ANKRD1: variants seen among roughly 807,000 people sequenced by gnomAD.
ANKRD1 encodes the protein ankyrin repeat domain-containing protein 1.
In ANKRD1, 32 loss-of-function variants were observed where a neutral mutation model predicts 40.1. The ratio of observed to expected loss-of-function variants is 0.80; its 90% CI spans 0.60 to 1.07. ANKRD1 has a LOEUF of 1.07. ANKRD1 is among the 50% of genes least tolerant of loss of function. The pLI is 0.00. For synonymous variants in ANKRD1, 149 were observed against 141.2 expected (o/e 1.06, Z -0.39); for missense variants, 359 against 386.0 (o/e 0.93, Z 0.59).
At chr10:90,920,412 C>T (rs1366954598) in intron 1 of ANKRD1, 64 bp from the exon 2 acceptor site, 7 of 1,590,994 alleles carry the variant, frequency 4.4e-6, no homozygotes, top group Non-Finnish European at 6.0e-6. Context: ...TCTTCACAGA[C>T]AATGCCGCAG....
intron 5 of ANKRD1, among the ~76,000 whole-genome samples, chr10:90,917,088 A>G (rs1417512173): frequency 2.0e-5 from 3 of 151,846 alleles, no homozygotes; most frequent in Non-Finnish European, 2.9e-5. Context: ...TTTTGGATTC[A>G]ATTTTGGCCA....
chr10:90,920,179 C>T lies in ANKRD1; in HGVS notation c.197G>A (p.Arg66Gln), dbSNP rs150797476. 1,088 of 1,613,780 alleles carry T rather than the reference C, an allele frequency of 6.7e-4. No individual in the cohort carries two copies. The highest frequency in any genetic ancestry group is 9.6e-4 in the East Asian group (43 of 44,872). ...ACAGATGGCTCTCACCTCTGCCTCT[C>T]GTTGTTTCTCGCTTTTCCACTGTTG... ...GEQQWKSEKQ[R>Q]EAELKKKKLE... is the part of the protein sequence containing the mutation. Residue 66 changes from arginine to glutamine, a missense_variant, in exon 2 of 9, where the codon CGA becomes CAA. Transcript: ENST00000371697.
At chr10:90,918,270 C>T (rs186618969) in intron 4 of ANKRD1, among the ~76,000 whole-genome samples, 39 of 152,228 alleles carry the variant, frequency 2.6e-4, no homozygotes, top group Admixed American at 2.1e-3. Flanking sequence ...AAGCGGTCCC[C>T]AATTTCACTT....
At chr10:90,916,128 A>C in intron 6 of ANKRD1, 43 bp downstream of exon 6, 4 of 903,464 alleles carry the variant, frequency 4.4e-6, no homozygotes, top group Non-Finnish European at 4.4e-6. Flanking sequence ...GGGGACAGGG[A>C]GGGGGAGGGG....
chr10:90,913,130 C>T (rs1027015592), intron 8 of ANKRD1, among the ~76,000 whole-genome samples, 154 bp from the exon 9 acceptor site: 4 of 152,178 alleles, frequency 2.6e-5, no homozygotes, highest in Admixed American at 2.0e-4. Flanking sequence ...ATACTCAAAC[C>T]AGTCCTTCAC....
Position 90,919,219 on chromosome 10 carries a change from T to C in ANKRD1, c.257A>G (p.Asp86Gly), listed in dbSNP as rs759101459. The change falls in exon 3 of 9, where the codon GAC becomes GGC. Residue 86 changes from aspartate (D) to glycine (G), a missense_variant. Coordinates refer to ENST00000371697, the MANE Select transcript of ANKRD1 (RefSeq NM_014391.3). ...CTTCAGTTGAATGATTATTTCAAGGTCTTCTAAATTTTCAAGCTTTGATCT... is the reference window on the plus strand; with the variant it reads ...CTTCAGTTGAATGATTATTTCAAGGCCTTCTAAATTTTCAAGCTTTGATCT... ...EQRSKLENLE[D>G]LEIIIQLKKR... The C allele has an allele frequency of 6.2e-7, 1 of 1,610,244 alleles. No homozygotes were observed. Among genetic ancestry groups the C allele is most frequent in the Non-Finnish European group, 8.5e-7 (1 of 1,178,528 alleles).
intron 8 of ANKRD1, among the ~76,000 whole-genome samples, chr10:90,914,086 C>T (rs1847344191): frequency 6.6e-6 from 1 of 152,126 alleles, no homozygotes; most frequent in Non-Finnish European, 1.5e-5. Context: ...ACTTCCCCAC[C>T]TCTGTAGTGT....
chr10:90,915,494 C>T (rs1478536217), intron 8 of ANKRD1, 49 bp downstream of exon 8: 2 of 1,548,988 alleles, frequency 1.3e-6, no homozygotes, highest in African/African-American at 1.4e-5. Flanking sequence ...AGAAATGCTC[C>T]TGGAAATTGG....
chr10:90,915,976 G>A (rs1347595232), intron 6 of ANKRD1, 96 bp from the exon 7 acceptor site: 1 of 1,284,960 alleles, frequency 7.8e-7, no homozygotes, highest in African/African-American at 1.5e-5. Flanking sequence ...TGGTCACTAG[G>A]GTGCCTGCAC....
chr10:90,912,660 TAAAC>T lies in ANKRD1; in HGVS notation c.*202_*205del, dbSNP rs1464781094. The stretch of plus-strand genomic sequence containing the variant: ...TATCAGTAGCGTGGCAGTAAATAAA[TAAAC>T]AGGAATACATAAAAATAAATAAGAG... On this transcript the variant is annotated 3_prime_UTR_variant, in exon 9 of 9. Coordinates refer to ENST00000371697, the MANE Select transcript of ANKRD1 (RefSeq NM_014391.3). 1.7e-5 allele frequency: 9 copies of T among 524,176 alleles called. No homozygotes were observed. The highest frequency in any genetic ancestry group is 2.0e-5 in the South Asian group (1 of 49,290). 32.5% of individuals were successfully genotyped at this position (524,176 alleles called of 1,614,324 possible). A position where few individuals can be genotyped will look rare whatever the true frequency, so the allele number is the denominator to read the frequency against.
rs748820756 is a variant in ANKRD1 at position 90,917,774 on chromosome 10, C to T, written c.510G>A (p.Glu170=). 1 of 1,614,084 alleles carries T rather than the reference C, an allele frequency of 6.2e-7. No individual in the cohort carries two copies. Among genetic ancestry groups the T allele is most frequent in the Non-Finnish European group, 8.5e-7 (1 of 1,179,962 alleles). The change falls in exon 5 of 9, where the codon GAG becomes GAA. Residue 170 remains glutamate (E), a synonymous_variant. Coordinates refer to ENST00000371697, the MANE Select transcript of ANKRD1 (RefSeq NM_014391.3). ...TCTGGGCTCCAGCTTCCATTAACTT[C>T]TCCACAATTGCCAAATGTCCTTCCA... ...ACLEGHLAIV[E]KLMEAGAQIE...
At chr10:90,920,566 G>C (rs192621189) in intron 1 of ANKRD1, among the ~76,000 whole-genome samples, 1 of 152,294 alleles carries the variant, frequency 6.6e-6, no homozygotes, top group African/African-American at 2.4e-5. Flanking sequence ...CAAAGCTTGG[G>C]TTAGGTTGAC....
intron 4 of ANKRD1, among the ~76,000 whole-genome samples, chr10:90,918,403 A>G (rs549490293): frequency 2.0e-5 from 3 of 152,252 alleles, no homozygotes; most frequent in Admixed American, 6.5e-5. Flanking sequence ...CCCCATGTTT[A>G]CAGATAAGGA....
At chr10:90,919,073 C>T (rs1187633250) in intron 3 of ANKRD1, 58 bp downstream of exon 3, 3 of 1,606,360 alleles carry the variant, frequency 1.9e-6, no homozygotes, top group Non-Finnish European at 2.5e-6. Flanking sequence ...CAGATATTTG[C>T]TCCCCTGTAG....
chr10:90,920,469 G>T lies in ANKRD1; in HGVS notation c.28-121C>A, dbSNP rs1483843476. On this transcript the variant is annotated intron_variant, in intron 1 of 8. Coordinates refer to ENST00000371697, the MANE Select transcript of ANKRD1 (RefSeq NM_014391.3). Reference sequence around the variant, plus strand: ...CTGGGAACAGCCACCTTTGAGCAGTGCACTCTCAGATCTCAAGCTGCGATG... The same window carrying T: ...CTGGGAACAGCCACCTTTGAGCAGTTCACTCTCAGATCTCAAGCTGCGATG... 1.4e-5 allele frequency: 15 copies of T among 1,045,716 alleles called. No homozygotes were observed. In the Admixed American group the frequency reaches 2.6e-4, roughly 18 times the overall value. The allele number at this position is 1,045,716 out of a possible 1,614,324, so 64.8% of individuals were successfully genotyped here. A position where few individuals can be genotyped will look rare whatever the true frequency, so the allele number is the denominator to read the frequency against.
intron 3 of ANKRD1, 34 bp downstream of exon 3, chr10:90,919,097 A>G: frequency 1.9e-6 from 3 of 1,611,486 alleles, no homozygotes; most frequent in Non-Finnish European, 2.5e-6. Context: ...AACACTGGAC[A>G]TGTATTACTG....
chr10:90,920,222 G>C lies in ANKRD1; in HGVS notation c.154C>G (p.Pro52Ala), dbSNP rs397517248. 4.8e-5 allele frequency: 78 copies of C among 1,614,018 alleles called. 1 individual carries two copies. The highest frequency in any genetic ancestry group is 3.0e-4 in the Admixed American group (18 of 59,996). The change falls in exon 2 of 9, where the codon CCT becomes GCT. Residue 52 changes from proline (P) to alanine (A), a missense_variant. Pro to Ala is a conservative substitution (Grantham distance 27, BLOSUM62 -1). Coordinates refer to ENST00000371697, the MANE Select transcript of ANKRD1 (RefSeq NM_014391.3). Reference sequence around the variant, plus strand: ...CACTGTTGCTCCCCCAGGGTCACAGGGTGGGCTAGAAGTGTCTTCAGATCC... The same window carrying C: ...CACTGTTGCTCCCCCAGGGTCACAGCGTGGGCTAGAAGTGTCTTCAGATCC... The part of the protein sequence containing the change: ...QEDLKTLLAH[P>A]VTLGEQQWKS...
chr10:90,917,791 G>T lies in ANKRD1; in HGVS notation c.493C>A (p.His165Asn). The change falls in exon 5 of 9, where the codon CAT (histidine) becomes AAT (asparagine). Residue 165 changes from histidine (H) to asparagine (N), a missense_variant. Physicochemically the swap from His to Asn is moderately conservative, Grantham distance 68. Transcript: ENST00000371697. Reference sequence around the variant, plus strand: ...ATTAACTTCTCCACAATTGCCAAATGTCCTTCCAAGCATGCTCTATGAAGA... The same window carrying T: ...ATTAACTTCTCCACAATTGCCAAATTTCCTTCCAAGCATGCTCTATGAAGA... ...TALHRACLEGHLAIVEKLMEA... is the reference protein window; with the variant it reads ...TALHRACLEGNLAIVEKLMEA... The T allele has an allele frequency of 6.2e-7, 1 of 1,614,024 alleles. No homozygotes were observed.
Position 90,912,760 on chromosome 10 carries a change from A to T in ANKRD1, c.*106T>A, listed in dbSNP as rs1398143562. 9.3e-7 allele frequency: 1 copy of T among 1,077,008 alleles called. No individual in the cohort carries two copies. The highest frequency in any genetic ancestry group is 1.4e-6 in the Non-Finnish European group (1 of 693,864). 66.7% of individuals were successfully genotyped at this position (1,077,008 alleles called of 1,614,324 possible). The stretch of plus-strand genomic sequence containing the variant: ...AAACTTCATTAGGTACATCTTCACA[A>T]CACGTTGATAAATAGAAACTAGATT... On this transcript the variant is annotated 3_prime_UTR_variant, in exon 9 of 9. Transcript: ENST00000371697.
Sources: gnomAD v4.1 joint callset for allele counts (sites outside exome capture counted in the v4.1 genomes callset) on GRCh38, gnomAD v4.1.1 for gene constraint, MANE v1.5 for transcripts, NCBI Gene and HGNC (gene_info 2026-07-23, HGNC 2026-07-21) for gene names.